The following MRPS28 variants were observed in gnomAD, a reference collection of about 807,000 sequenced individuals.
MRPS28 encodes the protein mitochondrial ribosomal protein S28.
In MRPS28, 7 loss-of-function variants were observed where a neutral mutation model predicts 10.8. That is an observed-to-expected ratio of 0.65 (90% confidence interval 0.37 to 1.22). MRPS28 has a LOEUF of 1.22. MRPS28 is among the 50% of genes most tolerant of loss of function. The pLI is 0.02. For missense variants in MRPS28, 265 were observed against 232.9 expected (o/e 1.14, Z -0.90); for synonymous variants, 121 against 93.3 (o/e 1.30, Z -1.71).
intron 2 of MRPS28, among the ~76,000 whole-genome samples, chr8:79,973,968 T>G (rs985402361): frequency 6.6e-6 from 1 of 152,138 alleles, no homozygotes; most frequent in African/African-American, 2.4e-5. Context: ...CCCAGGCTGA[T>G]CTCAAACTCC....
At chr8:80,011,736 G>C (rs1809056537) in intron 1 of MRPS28, among the ~76,000 whole-genome samples, 2 of 151,908 alleles carry the variant, frequency 1.3e-5, no homozygotes, top group South Asian at 2.1e-4. Flanking sequence ...CTGGGCGACA[G>C]AGTGAGACTC....
At chr8:80,026,224 T>C (rs1216539331) in intron 1 of MRPS28, among the ~76,000 whole-genome samples, 1 of 152,236 alleles carries the variant, frequency 6.6e-6, no homozygotes, top group African/African-American at 2.4e-5. Flanking sequence ...AGCAAGTTTT[T>C]TCACAAGTTG....
At chr8:79,929,271 A>G (rs1307389848) in intron 2 of MRPS28, among the ~76,000 whole-genome samples, 1 of 152,184 alleles carries the variant, frequency 6.6e-6, no homozygotes, top group Non-Finnish European at 1.5e-5. Flanking sequence ...TGCTCCCCCA[A>G]TAAGCTAATG....
chr8:79,944,915 G>A (rs890585068), intron 2 of MRPS28, among the ~76,000 whole-genome samples: 2 of 151,748 alleles, frequency 1.3e-5, no homozygotes, highest in East Asian at 1.9e-4. Flanking sequence ...GGCTAGTCTC[G>A]AATTCCTGAA....
intron 1 of MRPS28, among the ~76,000 whole-genome samples, chr8:80,021,199 C>T (rs890115595): frequency 6.6e-6 from 1 of 152,102 alleles, no homozygotes; most frequent in Non-Finnish European, 1.5e-5. Context: ...GACAGGGTTT[C>T]ACCATGTTGG....
intron 2 of MRPS28, among the ~76,000 whole-genome samples, chr8:79,972,496 G>A (rs1807661120): frequency 2.0e-5 from 3 of 152,158 alleles, no homozygotes; most frequent in Admixed American, 6.5e-5. Context: ...TTTCTCTTAG[G>A]TATATATGTA....
chr8:80,023,015 A>G (rs906178407), intron 1 of MRPS28, among the ~76,000 whole-genome samples: 3 of 152,214 alleles, frequency 2.0e-5, no homozygotes, highest in African/African-American at 7.2e-5. Flanking sequence ...AGCATGTTAC[A>G]GGTGTTAACA....
At chr8:79,927,682 G>C (rs1226744854) in intron 2 of MRPS28, among the ~76,000 whole-genome samples, 1 of 152,162 alleles carries the variant, frequency 6.6e-6, no homozygotes, top group African/African-American at 2.4e-5. Flanking sequence ...AAAGATGGAG[G>C]GAAAAGTCGT....
At chr8:79,995,832 C>T (rs1305174774) in intron 2 of MRPS28, among the ~76,000 whole-genome samples, 2 of 152,024 alleles carry the variant, frequency 1.3e-5, no homozygotes, top group African/African-American at 4.8e-5. Flanking sequence ...ATTTTAAGCA[C>T]AACAAATTTG....
intron 1 of MRPS28, among the ~76,000 whole-genome samples, chr8:80,022,811 G>A (rs1176934835): frequency 6.6e-6 from 1 of 152,126 alleles, no homozygotes; most frequent in Non-Finnish European, 1.5e-5. Flanking sequence ...AGCAAACTTA[G>A]ACACATTAAA....
chr8:79,937,005 C>A (rs559058269), intron 2 of MRPS28, among the ~76,000 whole-genome samples: 1 of 152,208 alleles, frequency 6.6e-6, no homozygotes, highest in Admixed American at 6.5e-5. Context: ...GGATTACAGG[C>A]ACCTGCCACC....
At chr8:79,997,502 C>T (rs1015736612) in intron 2 of MRPS28, among the ~76,000 whole-genome samples, 1 of 151,886 alleles carries the variant, frequency 6.6e-6, no homozygotes, top group African/African-American at 2.4e-5. Context: ...ATACCTTTCA[C>T]GTTTTTATAA....
intron 1 of MRPS28, 100 bp downstream of exon 1, chr8:80,029,936 A>G (rs1809608422): frequency 2.6e-6 from 4 of 1,537,116 alleles, no homozygotes; most frequent in African/African-American, 1.4e-5. Flanking sequence ...CCCGGACCTC[A>G]GCTCCCCTTC....
chr8:79,944,298 T>C lies in MRPS28; in HGVS notation c.396-25150A>G, dbSNP rs140977616. ...TGATATGTGGAAGACTGTTTGCCTA[T>C]TGCAGGCTATGAAGGAAGCAGAATT... On this transcript the variant is annotated intron_variant, in intron 2 of 2. Transcript: ENST00000276585. Among the ~76,000 whole-genome samples, 326 of 152,338 alleles carry C rather than the reference T, an allele frequency of 2.1e-3. 7 individuals are homozygous for C. Among genetic ancestry groups the C allele is most frequent in the Non-Finnish European group, 3.1e-4 (21 of 68,036 alleles).
intron 1 of MRPS28, among the ~76,000 whole-genome samples, chr8:80,004,708 A>G (rs1808775177): frequency 6.6e-6 from 1 of 152,206 alleles, no homozygotes; most frequent in Non-Finnish European, 1.5e-5. Context: ...AGGAAGTCAG[A>G]ACCCATCGCA....
intron 2 of MRPS28, among the ~76,000 whole-genome samples, chr8:79,985,348 A>G (rs983715038): frequency 6.6e-6 from 1 of 152,224 alleles, no homozygotes; most frequent in African/African-American, 2.4e-5. Flanking sequence ...GGACACCCTA[A>G]CATCACAATT....
At chr8:79,928,374 G>C (rs1454632320) in intron 2 of MRPS28, among the ~76,000 whole-genome samples, 1 of 151,952 alleles carries the variant, frequency 6.6e-6, no homozygotes, top group Non-Finnish European at 1.5e-5. Context: ...TCAGGGCTTA[G>C]AATAGAGTTC....
chr8:79,938,968 G>A (rs1033744762), intron 2 of MRPS28, among the ~76,000 whole-genome samples: 7 of 152,192 alleles, frequency 4.6e-5, no homozygotes, highest in African/African-American at 1.7e-4. Flanking sequence ...GATGTGCTGA[G>A]CTGGCTATGG....
At chr8:79,966,608 A>G (rs930797514) in intron 2 of MRPS28, among the ~76,000 whole-genome samples, 2 of 152,088 alleles carry the variant, frequency 1.3e-5, no homozygotes, top group African/African-American at 4.8e-5. Flanking sequence ...GAATCTAGAA[A>G]ACGGTATGAA....
Sources: allele counts gnomAD v4.1 joint callset (sites outside exome capture counted in the v4.1 genomes callset), GRCh38; gene constraint gnomAD v4.1.1; transcripts MANE v1.5; gene names NCBI Gene and HGNC (gene_info 2026-07-23, HGNC 2026-07-21).